The following CRISPLD2 variants were observed in gnomAD, a reference collection of about 807,000 sequenced individuals.
CRISPLD2 encodes the protein cysteine rich secretory protein LCCL domain containing 2, also known as cysteine-rich secretory protein LCCL domain-containing 2.
A neutral mutation model predicts 71.1 loss-of-function variants in CRISPLD2; 47 were observed. That is an observed-to-expected ratio of 0.66 (90% CI 0.52 to 0.84). CRISPLD2 has a LOEUF of 0.84. CRISPLD2 is among the 40% of genes least tolerant of loss of function. CRISPLD2 has a pLI of 0.00. For missense variants in CRISPLD2, 830 were observed against 651.1 expected, an observed-to-expected ratio of 1.27 and a Z score of -2.99; for synonymous variants, 317 against 250.1, an observed-to-expected ratio of 1.27 and a Z score of -2.52.
Position 84,859,800 on chromosome 16 carries a change from G to A in CRISPLD2, c.709+4971G>A, listed in dbSNP as rs575514864. Reference sequence around the variant, plus strand: ...CTGCTTTGCCTCTGCTGTCCATTACGGTAGCTATGCCCACCTTACTTTTGA... The same window carrying A: ...CTGCTTTGCCTCTGCTGTCCATTACAGTAGCTATGCCCACCTTACTTTTGA... On this transcript the variant is annotated intron_variant, in intron 6 of 14. Coordinates refer to ENST00000262424, the MANE Select transcript of CRISPLD2 (RefSeq NM_031476.4). Among the ~76,000 whole-genome samples, 155 of 152,226 alleles carry A rather than the reference G, an allele frequency of 1.0e-3. 2 individuals are homozygous for A. The highest frequency in any genetic ancestry group is 3.3e-3 in the African/African-American group (135 of 41,532).
chr16:84,824,908 A>G (rs1916312325), intron 1 of CRISPLD2, among the ~76,000 whole-genome samples: 1 of 151,552 alleles, frequency 6.6e-6, no homozygotes, highest in African/African-American at 2.4e-5. Flanking sequence ...GTTTGAGACC[A>G]GCCTGACCAA....
At chr16:84,836,534 C>A (rs938961331) in intron 1 of CRISPLD2, 1 of 152,172 alleles carries the variant, frequency 6.6e-6, no homozygotes, top group Non-Finnish European at 1.5e-5. Flanking sequence ...CTCTCCTCTC[C>A]GCATGGGGTT....
At chr16:84,825,988 G>T (rs114566753) in intron 1 of CRISPLD2, among the ~76,000 whole-genome samples, 244 of 152,122 alleles carry the variant, frequency 1.6e-3, no homozygotes, top group African/African-American at 5.4e-3. Flanking sequence ...TGGCCTGGAA[G>T]CACCTGAGGA....
At chr16:84,834,686 T>C (rs1342052822) in intron 1 of CRISPLD2, among the ~76,000 whole-genome samples, 2 of 152,206 alleles carry the variant, frequency 1.3e-5, no homozygotes, top group Non-Finnish European at 2.9e-5. Context: ...GCTTCAACAA[T>C]AGGAATTTAG....
intron 2 of CRISPLD2, among the ~76,000 whole-genome samples, chr16:84,842,781 C>T (rs944095758): frequency 2.6e-5 from 4 of 152,260 alleles, no homozygotes; most frequent in African/African-American, 9.6e-5. Flanking sequence ...GCCATGGGAA[C>T]GTTGAGACCC....
rs1917055454 is a variant in CRISPLD2 at position 84,850,477 on chromosome 16, T to G, written c.493-91T>G. The G allele has an allele frequency of 3.1e-6, 3 of 971,564 alleles. No individual in the cohort carries two copies. The Admixed American group carries it at 5.2e-5, about 17-fold the overall frequency. The allele number at this position is 971,564 out of a possible 1,614,324, so 60.2% of individuals were successfully genotyped here. A position where few individuals can be genotyped will look rare whatever the true frequency, so the allele number is the denominator to read the frequency against. On this transcript the variant is annotated intron_variant, in intron 4 of 14. Transcript: ENST00000262424. Reference sequence around the variant, plus strand: ...CCCAACCCTTCACCTCGTACCTCTTTAGTGCCAGCACCTTATACATCCAGG... The same window carrying G: ...CCCAACCCTTCACCTCGTACCTCTTGAGTGCCAGCACCTTATACATCCAGG...
Position 84,838,677 on chromosome 16 carries a change from T to G in CRISPLD2, c.182T>G (p.Met61Arg), listed in dbSNP as rs759279809. The G allele has an allele frequency of 7.4e-6, 12 of 1,614,110 alleles. No homozygotes were observed. The Admixed American group carries it at 2.0e-4, about 27-fold the overall frequency. ...AGGGAGGACAAGGAGGAGATCCTCA[T>G]GCTGCACAACAAGCTTCGGGGCCAG... ...IPREDKEEILMLHNKLRGQVQ... is the reference protein window; with the variant it reads ...IPREDKEEILRLHNKLRGQVQ... The change falls in exon 2 of 15, where the codon ATG becomes AGG. Residue 61 changes from methionine (M) to arginine (R), a missense_variant. By Grantham distance (91) the Met-to-Arg change is moderately conservative. Transcript: ENST00000262424.
intron 1 of CRISPLD2, among the ~76,000 whole-genome samples, chr16:84,825,582 C>T (rs891316724): frequency 6.6e-6 from 1 of 152,016 alleles, no homozygotes; most frequent in Non-Finnish European, 1.5e-5. Flanking sequence ...ATGGCAAAAC[C>T]TTGTTTCTAC....
intron 13 of CRISPLD2, among the ~76,000 whole-genome samples, chr16:84,886,523 T>TA (rs913383054): frequency 9.6e-4 from 144 of 149,910 alleles, no homozygotes; most frequent in Admixed American, 2.7e-3. Flanking sequence ...TCTGTTGTAG[T>TA]AAAAAAAAAA....
intron 6 of CRISPLD2, among the ~76,000 whole-genome samples, chr16:84,859,496 G>A (rs560045407): frequency 8.5e-5 from 13 of 152,300 alleles, no homozygotes; most frequent in Admixed American, 8.5e-4. Context: ...AGCATAAATT[G>A]TCAGTAGCGT....
intron 1 of CRISPLD2, among the ~76,000 whole-genome samples, chr16:84,825,956 CAA>C (rs954892336): frequency 2.9e-5 from 4 of 139,964 alleles, no homozygotes; most frequent in African/African-American, 2.6e-5. Flanking sequence ...GACCCTGTCT[CAA>C]AAAAAAAAAA....
intron 14 of CRISPLD2, among the ~76,000 whole-genome samples, chr16:84,892,308 C>G (rs891205291): frequency 6.6e-6 from 1 of 152,224 alleles, no homozygotes; most frequent in Non-Finnish European, 1.5e-5. Flanking sequence ...GGGCATCGTG[C>G]TGCATGCTCG....
At chr16:84,829,071 C>G (rs768582315) in intron 1 of CRISPLD2, 2 of 151,284 alleles carry the variant, frequency 1.3e-5, no homozygotes, top group Admixed American at 6.6e-5. Context: ...AAGACTCCGT[C>G]TCAAAAAGGA....
chr16:84,823,893 A>G, intron 1 of CRISPLD2, among the ~76,000 whole-genome samples: 1 of 152,216 alleles, frequency 6.6e-6, no homozygotes. Flanking sequence ...TGAGCACAGA[A>G]TGGCAACATC....
At chr16:84,838,350 C>A (rs538797908) in intron 1 of CRISPLD2, 72 bp from the exon 2 acceptor site, 3 of 941,238 alleles carry the variant, frequency 3.2e-6, no homozygotes, top group Non-Finnish European at 4.8e-6. Context: ...GTGCTGCGTT[C>A]GCTGCTCCAG....
intron 1 of CRISPLD2, among the ~76,000 whole-genome samples, chr16:84,828,659 T>C (rs559988352): frequency 2.0e-5 from 3 of 152,302 alleles, no homozygotes; most frequent in East Asian, 1.9e-4. Flanking sequence ...TTTTAAAGAA[T>C]GTATTAATTT....
chr16:84,828,236 G>A (rs1413895303), intron 1 of CRISPLD2: 1 of 152,132 alleles, frequency 6.6e-6, no homozygotes, highest in African/African-American at 2.4e-5. Context: ...GATGACCTGG[G>A]GCCCTGAATT....
At chr16:84,898,878 AG>A (rs1305478794) in intron 14 of CRISPLD2, among the ~76,000 whole-genome samples, 1 of 152,098 alleles carries the variant, frequency 6.6e-6, no homozygotes, top group African/African-American at 2.4e-5. Context: ...GGGCAACATA[AG>A]TGAGACCCTG....
chr16:84,897,660 A>C (rs2071718152), intron 14 of CRISPLD2, among the ~76,000 whole-genome samples: 1 of 152,070 alleles, frequency 6.6e-6, no homozygotes, highest in Admixed American at 6.6e-5. Context: ...TGTTTTGCCC[A>C]GGCTGGAGTG....
Sources: allele counts gnomAD v4.1 joint callset (sites outside exome capture counted in the v4.1 genomes callset), GRCh38; gene constraint gnomAD v4.1.1; transcripts MANE v1.5; gene names NCBI Gene and HGNC (gene_info 2026-07-23, HGNC 2026-07-21).